The following PACRG variants were observed in gnomAD, a reference collection of about 807,000 sequenced individuals.
The protein encoded by PACRG is parkin coregulated gene protein.
A neutral mutation model predicts 29.7 loss-of-function variants in PACRG; 29 were observed. The observed-to-expected ratio is 0.98, with a 90% CI of 0.73 to 1.33. The LOEUF is 1.33. PACRG is among the 40% of genes most tolerant of loss of function. The pLI, the probability that PACRG is intolerant of heterozygous loss-of-function variation, is 0.00. For missense variants in PACRG, 279 were observed against 316.2 expected, an observed-to-expected ratio of 0.88 and a Z score of 0.89; for synonymous variants, 116 against 118.7, an observed-to-expected ratio of 0.98 and a Z score of 0.15.
intron 1 of PACRG, among the ~76,000 whole-genome samples, chr6:162,791,715 TC>T (rs772143455): frequency 2.4e-4 from 37 of 152,176 alleles, no homozygotes; most frequent in Non-Finnish European, 5.1e-4. Context: ...TAGCATCCCA[TC>T]AATTTGAATT....
chr6:163,129,433 G>A (rs763618012), intron 4 of PACRG, among the ~76,000 whole-genome samples: 8 of 152,204 alleles, frequency 5.3e-5, no homozygotes, highest in Non-Finnish European at 8.8e-5. Flanking sequence ...GAAGGAATGA[G>A]ACTGCAGCCC....
At chr6:163,107,857 C>T (rs73593760) in intron 4 of PACRG, among the ~76,000 whole-genome samples, 123 of 152,290 alleles carry the variant, frequency 8.1e-4, no homozygotes, top group African/African-American at 2.9e-3. Flanking sequence ...GTTTCTCTTG[C>T]TCTATAAATT....
intron 1 of PACRG, among the ~76,000 whole-genome samples, chr6:162,753,268 C>A (rs546867064): frequency 6.6e-6 from 1 of 151,958 alleles, no homozygotes; most frequent in Non-Finnish European, 1.5e-5. Flanking sequence ...CACCCCCACC[C>A]CACCTCAGCC....
At chr6:163,180,488 G>A (rs1779602239) in intron 4 of PACRG, among the ~76,000 whole-genome samples, 1 of 152,128 alleles carries the variant, frequency 6.6e-6, no homozygotes, top group South Asian at 2.1e-4. Flanking sequence ...AGGACCAGGT[G>A]CAGTGGCTCA....
intron 2 of PACRG, among the ~76,000 whole-genome samples, chr6:163,020,806 A>T (rs1350946574): frequency 6.6e-6 from 1 of 151,994 alleles, no homozygotes; most frequent in East Asian, 1.9e-4. Context: ...AAAATGTCTC[A>T]TTTGGAAGGA....
intron 2 of PACRG, among the ~76,000 whole-genome samples, chr6:162,887,901 C>T (rs1794468303): frequency 6.6e-6 from 1 of 152,072 alleles, no homozygotes; most frequent in African/African-American, 2.4e-5. Flanking sequence ...GCTTGTGCTG[C>T]TATAACAAAA....
chr6:162,998,547 G>A (rs1462482226), intron 2 of PACRG, among the ~76,000 whole-genome samples: 2 of 152,214 alleles, frequency 1.3e-5, no homozygotes, highest in Non-Finnish European at 2.9e-5. Flanking sequence ...GAACGTAGAA[G>A]TCTTTGTCCA....
intron 4 of PACRG, among the ~76,000 whole-genome samples, chr6:163,167,886 C>G (rs951864058): frequency 1.3e-5 from 2 of 152,160 alleles, no homozygotes; most frequent in African/African-American, 4.8e-5. Flanking sequence ...AACTATTAGA[C>G]AGCACACAAA....
At chr6:163,028,944 A>G (rs1433362788) in intron 2 of PACRG, among the ~76,000 whole-genome samples, 1 of 152,228 alleles carries the variant, frequency 6.6e-6, no homozygotes, top group Non-Finnish European at 1.5e-5. Flanking sequence ...CGTCCTACAC[A>G]GCAAAAGGGA....
chr6:162,739,988 G>C (rs949538650), intron 1 of PACRG, among the ~76,000 whole-genome samples: 2 of 151,924 alleles, frequency 1.3e-5, no homozygotes, highest in African/African-American at 4.8e-5. Context: ...TTTAAGATGG[G>C]AGGTAAGGCT....
rs181329971 is a variant in PACRG, at chr6:163,109,395, A to T, written c.613+19987A>T. On this transcript the variant is annotated intron_variant, in intron 4 of 4. Transcript: ENST00000366888. ...GATAGCAAATTCTTCTTTGTTCTCC[A>T]TGCAGCAAAAATTACATCTGTTGTC... Among the ~76,000 whole-genome samples the T allele has an allele frequency of 1.5e-4, 23 of 152,296 alleles. 1 individual carries two copies. In the East Asian group the frequency reaches 4.2e-3, roughly 28 times the overall value.
intron 4 of PACRG, among the ~76,000 whole-genome samples, chr6:163,277,494 T>TATACAC (rs535727235): frequency 1.4e-5 from 1 of 73,440 alleles, no homozygotes; most frequent in Non-Finnish European, 2.8e-5. Flanking sequence ...TATATATATA[T>TATACAC]ACACACATAC....
intron 4 of PACRG, among the ~76,000 whole-genome samples, chr6:163,115,342 G>T (rs1018624749): frequency 1.3e-5 from 2 of 152,094 alleles, no homozygotes; most frequent in Non-Finnish European, 2.9e-5. Flanking sequence ...CTTGGAAAAA[G>T]CAGAGAGCTA....
At chr6:163,165,534 C>G (rs1173871841) in intron 4 of PACRG, 1 of 154,410 alleles carries the variant, frequency 6.5e-6, no homozygotes, top group Non-Finnish European at 1.4e-5. Context: ...GGTCAAAGCC[C>G]CACCCCTGTG....
rs563814752 is a variant in PACRG, at chr6:162,827,118, A to G, written c.291+12837A>G. ...ATATGCACAAAAAGACTTCATTTAC[A>G]TAAATTTTTATTTATATATTTTAAA... On this transcript the variant is annotated intron_variant, in intron 2 of 4. Coordinates refer to ENST00000366888, the MANE Select transcript of PACRG (RefSeq NM_001080379.2). Among the ~76,000 whole-genome samples the G allele has an allele frequency of 3.3e-5, 5 of 152,298 alleles. No individual in the cohort carries two copies. In the South Asian group the frequency reaches 1.0e-3, roughly 32 times the overall value.
chr6:162,747,636 G>A (rs1374742855), intron 1 of PACRG, among the ~76,000 whole-genome samples: 1 of 150,832 alleles, frequency 6.6e-6, no homozygotes, highest in African/African-American at 2.4e-5. Context: ...AGTTTACCCA[G>A]AGCTAATGCA....
rs910946264 is a variant in PACRG at position 163,079,015 on chromosome 6, G to A, written c.464-10244G>A. 1.1e-4 allele frequency among the ~76,000 whole-genome samples: 17 copies of A among 152,220 alleles called. No homozygotes were observed. The South Asian group carries it at 1.5e-3, about 13-fold the overall frequency. On this transcript the variant is annotated intron_variant, in intron 3 of 4. Transcript: ENST00000366888. ...GGCCTGAGCATGCTGAGTGCAGACC[G>A]GATCCCAGCTTGCTACTAACTAGCT...
chr6:162,933,663 C>G (rs1006804223), intron 2 of PACRG, among the ~76,000 whole-genome samples: 2 of 131,314 alleles, frequency 1.5e-5, no homozygotes, highest in Admixed American at 8.7e-5. Context: ...TACACTACTC[C>G]TGCACACTCT....
intron 2 of PACRG, among the ~76,000 whole-genome samples, chr6:162,906,573 C>A (rs985393011): frequency 6.6e-6 from 1 of 152,208 alleles, no homozygotes; most frequent in Non-Finnish European, 1.5e-5. Flanking sequence ...AGGCATAGAT[C>A]AAGCACTGAT....
Sources: gnomAD v4.1 joint callset for allele counts (sites outside exome capture counted in the v4.1 genomes callset) on GRCh38, gnomAD v4.1.1 for gene constraint, MANE v1.5 for transcripts, NCBI Gene and HGNC (gene_info 2026-07-23, HGNC 2026-07-21) for gene names.